Variants in SNTB2 observed in about 807,000 individuals in gnomAD.
SNTB2 encodes the protein beta-2-syntrophin.
A neutral mutation model predicts 46.2 loss-of-function variants in SNTB2; 34 were observed. That is an observed-to-expected ratio of 0.74 (90% CI 0.56 to 0.98). The LOEUF (loss-of-function observed/expected upper bound fraction) is 0.98. Ranked by LOEUF, SNTB2 falls within the 50% of genes least tolerant of loss-of-function variation. The pLI, the probability that SNTB2 is intolerant of heterozygous loss-of-function variation, is 0.00. For synonymous variants in SNTB2, 290 were observed against 312.6 expected (o/e 0.93, Z 0.76); for missense variants, 603 against 731.4 (o/e 0.82, Z 2.02).
At chr16:69,210,128 A>G (rs1235872942) in intron 1 of SNTB2, among the ~76,000 whole-genome samples, 2 of 147,928 alleles carry the variant, frequency 1.4e-5, no homozygotes, top group African/African-American at 5.0e-5. Context: ...GGTTCAAGCA[A>G]TTCTCCTGCC....
chr16:69,212,328 GTATTTATT>G (rs71254073), intron 1 of SNTB2, among the ~76,000 whole-genome samples: 3,527 of 150,902 alleles, frequency 0.023, 58 homozygotes, highest in Non-Finnish European at 0.035. Context: ...CTTTGTGTTT[GTATTTATT>G]TATTTATTTA....
rs368121119 is a variant in SNTB2, at chr16:69,191,379, G to A, written c.580+3633G>A. 6.7e-4 allele frequency among the ~76,000 whole-genome samples: 5 copies of A among 7,492 alleles called. No individual in the cohort carries two copies. In the East Asian group the frequency reaches 0.011, roughly 16 times the overall value. 4.9% of individuals were successfully genotyped at this position (7,492 alleles called of 152,430 possible). On this transcript the variant is annotated intron_variant, in intron 1 of 6. Transcript: ENST00000336278. The stretch of plus-strand genomic sequence containing the variant: ...TGGGCAACATAGCAAGACCCTATCT[G>A]TACAAAAACTTCAAAAAAAAAAATA...
At chr16:69,266,127 G>A (rs1280942271) in intron 3 of SNTB2, among the ~76,000 whole-genome samples, 1 of 152,174 alleles carries the variant, frequency 6.6e-6, no homozygotes, top group Non-Finnish European at 1.5e-5. Context: ...CACTTTGGGA[G>A]GCTGAGGTGG....
At position 69,272,889 on chromosome 16, in the gene SNTB2, C is replaced by CAAA. The variant is rs34011617; in HGVS notation, c.1148+2621_1148+2623dup. ...TGGGCGACAGAGCCAGACTCTGTCTCAAAAAAAAAAAAAAAAAAAGAAATG... is the reference window on the plus strand; with the variant it reads ...TGGGCGACAGAGCCAGACTCTGTCTCAAAAAAAAAAAAAAAAAAAAAAGAAATG... On this transcript the variant is annotated intron_variant, in intron 4 of 6. Transcript: ENST00000336278. Among the ~76,000 whole-genome samples, 184 of 80,626 alleles carry CAAA rather than the reference C, an allele frequency of 2.3e-3. 1 individual carries two copies. The highest frequency in any genetic ancestry group is 8.0e-3 in the South Asian group (17 of 2,128). 52.9% of individuals were successfully genotyped at this position (80,626 alleles called of 152,430 possible). A position where few individuals can be genotyped will look rare whatever the true frequency, so the allele number is the denominator to read the frequency against.
At chr16:69,248,959 A>G (rs1194729973) in intron 2 of SNTB2, among the ~76,000 whole-genome samples, 1 of 150,756 alleles carries the variant, frequency 6.6e-6, no homozygotes, top group Non-Finnish European at 1.5e-5. Flanking sequence ...TTGCAACTAC[A>G]TTTGTCAACT....
At chr16:69,194,824 A>G (rs1344942084) in intron 1 of SNTB2, among the ~76,000 whole-genome samples, 3 of 152,212 alleles carry the variant, frequency 2.0e-5, no homozygotes, top group Admixed American at 6.5e-5. Flanking sequence ...AGAAGGGGGA[A>G]TGGATGCTAG....
rs188416320 is a variant in SNTB2, at chr16:69,282,926, C to A, written c.1149-1122C>A. Among the ~76,000 whole-genome samples, 32 of 152,234 alleles carry A rather than the reference C, an allele frequency of 2.1e-4. No individual in the cohort carries two copies. In the East Asian group the frequency reaches 6.2e-3, roughly 29 times the overall value. The stretch of plus-strand genomic sequence containing the variant: ...ACTTGTATATTAATCTTATATCCTG[C>A]AACATTGCTATAATTGCTTATCAGT... On this transcript the variant is annotated intron_variant, in intron 4 of 6. Transcript: ENST00000336278.
At chr16:69,296,615 G>A (rs1450955264) in intron 5 of SNTB2, among the ~76,000 whole-genome samples, 2 of 151,708 alleles carry the variant, frequency 1.3e-5, no homozygotes, top group East Asian at 3.9e-4. Context: ...CCAGCTACTC[G>A]GGAGGCTGAG....
chr16:69,206,163 TA>T (rs1964216064), intron 1 of SNTB2, among the ~76,000 whole-genome samples: 1 of 152,126 alleles, frequency 6.6e-6, no homozygotes, highest in East Asian at 1.9e-4. Context: ...CTTGGCTAAT[TA>T]AAAAAAGTTT....
intron 1 of SNTB2, among the ~76,000 whole-genome samples, chr16:69,192,267 CTTTA>C (rs1367788827): frequency 6.6e-6 from 1 of 152,206 alleles, no homozygotes; most frequent in Non-Finnish European, 1.5e-5. Context: ...TCAAGAGATA[CTTTA>C]AAGCAGTTGA....
At chr16:69,245,862 T>A in intron 2 of SNTB2, 47 bp downstream of exon 2, 2 of 1,565,790 alleles carry the variant, frequency 1.3e-6, no homozygotes, top group Non-Finnish European at 1.8e-6. Flanking sequence ...TTTACAAACT[T>A]AAGGACATGT....
chr16:69,289,436 G>A (rs1228414069), intron 5 of SNTB2, among the ~76,000 whole-genome samples: 1 of 152,084 alleles, frequency 6.6e-6, no homozygotes, highest in Non-Finnish European at 1.5e-5. Flanking sequence ...AGAGCAGAGT[G>A]TGGTGACTAT....
intron 1 of SNTB2, among the ~76,000 whole-genome samples, chr16:69,209,302 G>A (rs1350397672): frequency 6.6e-6 from 1 of 152,102 alleles, no homozygotes; most frequent in African/African-American, 2.4e-5. Context: ...TCTTTCCCAT[G>A]CTGTTTGGGA....
At position 69,292,392 on chromosome 16, in the gene SNTB2, ATATATATATATATATTATATATATAT is replaced by A. The variant is rs1392787723; in HGVS notation, c.1346-7182_1346-7157del. Among the ~76,000 whole-genome samples, 350 of 26,362 alleles carry A rather than the reference ATATATATATATATATTATATATATAT, an allele frequency of 0.013. 57 individuals are homozygous for A. In the South Asian group the frequency reaches 0.19, roughly 14 times the overall value. 17.3% of individuals were successfully genotyped at this position (26,362 alleles called of 152,430 possible). ...TATATATATATATTATATATATATT[ATATATATATATATATTATATATATAT>A]TATATATATATATATATTATATATA... On this transcript the variant is annotated intron_variant, in intron 5 of 6. Transcript: ENST00000336278.
chr16:69,267,902 C>A (rs986804294), intron 3 of SNTB2, among the ~76,000 whole-genome samples: 1 of 152,162 alleles, frequency 6.6e-6, no homozygotes, highest in Non-Finnish European at 1.5e-5. Flanking sequence ...TTTGAATTCT[C>A]CTTGAAGCTG....
At chr16:69,216,617 C>T (rs1349824955) in intron 1 of SNTB2, among the ~76,000 whole-genome samples, 1 of 151,630 alleles carries the variant, frequency 6.6e-6, no homozygotes, top group Non-Finnish European at 1.5e-5. Flanking sequence ...CATGGGAAGT[C>T]ACAGCTGCAT....
chr16:69,305,098 T>G lies in SNTB2; in HGVS notation c.*4174T>G, dbSNP rs1965307114. The G allele has an allele frequency of 6.6e-6, 1 of 152,340 alleles. No homozygotes were observed. The highest frequency in any genetic ancestry group is 1.5e-5 in the Non-Finnish European group (1 of 68,018). The allele number at this position is 152,340 out of a possible 1,614,324, so 9.4% of individuals were successfully genotyped here. On this transcript the variant is annotated 3_prime_UTR_variant, in exon 7 of 7. Coordinates refer to ENST00000336278, the MANE Select transcript of SNTB2 (RefSeq NM_006750.4). ...GTGAGAAAAGGTTATAATAGATTCT[T>G]TTTTTTAATTTTGTGAGAAATTCCA...
chr16:69,207,433 C>T (rs769524458), intron 1 of SNTB2, among the ~76,000 whole-genome samples: 4 of 152,132 alleles, frequency 2.6e-5, no homozygotes, highest in Admixed American at 6.6e-5. Context: ...GCTGGGATTA[C>T]AGGCGTGAGC....
chr16:69,251,487 A>C (rs1224161674), intron 2 of SNTB2, among the ~76,000 whole-genome samples: 3 of 149,600 alleles, frequency 2.0e-5, no homozygotes, highest in Non-Finnish European at 4.5e-5. Flanking sequence ...AAAAAAAAAA[A>C]AAAAAACTAG....
Sources: gnomAD v4.1 joint callset for allele counts (sites outside exome capture counted in the v4.1 genomes callset) on GRCh38, gnomAD v4.1.1 for gene constraint, MANE v1.5 for transcripts, NCBI Gene and HGNC (gene_info 2026-07-23, HGNC 2026-07-21) for gene names.